The following MAZ variants were observed in gnomAD, a reference collection of about 807,000 sequenced individuals.
MAZ encodes myc-associated zinc finger protein.
MAZ carries 4 observed loss-of-function variants against 32.7 expected under a neutral mutation model. The ratio of observed to expected loss-of-function variants is 0.12; its 90% CI spans 0.06 to 0.28. The LOEUF is 0.28. MAZ is among the 10% of genes least tolerant of loss of function. The pLI is 1.00. For missense variants in MAZ, 763 were observed against 667.2 expected (o/e 1.14, Z -1.58); for synonymous variants, 510 against 297.6 (o/e 1.71, Z -7.35).
At chr16:29,809,844 C>T (rs550957792) in intron 4 of MAZ, 1 of 977,276 alleles carries the variant, frequency 1.0e-6, no homozygotes, top group African/African-American at 1.6e-5. Context: ...TAGGGGATCT[C>T]AGGAAGGCGA....
At chr16:29,809,295 G>A (rs1899764103) in intron 4 of MAZ, 3 of 555,612 alleles carry the variant, frequency 5.4e-6, no homozygotes, top group Non-Finnish European at 9.5e-6. Flanking sequence ...AGGTCTCCCG[G>A]CCATGGAGAA....
chr16:29,807,838 G>T lies in MAZ; in HGVS notation c.1043+10G>T, dbSNP rs562651160. 6.3e-7 allele frequency: 1 copy of T among 1,599,482 alleles called. No individual in the cohort carries two copies. Among genetic ancestry groups the T allele is most frequent in the East Asian group, 2.2e-5 (1 of 44,738 alleles). ...GCAAGAGCTTCTCCCGGTGTGCACG[G>T]GGCCTCGGCCGCCCGCTAGGCCGTG... is the stretch of plus-strand genomic sequence containing the variant. On this transcript the variant is annotated intron_variant, in intron 2 of 4. Coordinates refer to ENST00000322945, the MANE Select transcript of MAZ (RefSeq NM_002383.4).
intron 1 of MAZ, 26 bp downstream of exon 1, chr16:29,806,919 C>T (rs772133943): frequency 1.1e-5 from 14 of 1,248,474 alleles, no homozygotes; most frequent in Non-Finnish European, 1.4e-5. Flanking sequence ...CGCGGCGGCC[C>T]GGGCTGGGGG....
At position 29,806,610 on chromosome 16, in the gene MAZ, G is replaced by T; in HGVS notation, c.-92G>T. The T allele has an allele frequency of 3.1e-6, 3 of 965,548 alleles. No homozygotes were observed. Among genetic ancestry groups the T allele is most frequent in the South Asian group, 4.8e-5 (1 of 20,982 alleles). The allele number at this position is 965,548 out of a possible 1,614,324, so 59.8% of individuals were successfully genotyped here. The stretch of plus-strand genomic sequence containing the variant: ...CATGCGTTCGGCGCGGCCCAGCCCG[G>T]CCGGCCGGGGGCGGCGCCCCGAGCC... On this transcript the variant is annotated 5_prime_UTR_variant, in exon 1 of 5. Transcript: ENST00000322945.
rs763046016 is a variant in MAZ at position 29,807,841 on chromosome 16, C to T, written c.1043+13C>T. On this transcript the variant is annotated intron_variant, in intron 2 of 4. Coordinates refer to ENST00000322945, the MANE Select transcript of MAZ (RefSeq NM_002383.4). Reference sequence around the variant, plus strand: ...AGAGCTTCTCCCGGTGTGCACGGGGCCTCGGCCGCCCGCTAGGCCGTGGGG... The same window carrying T: ...AGAGCTTCTCCCGGTGTGCACGGGGTCTCGGCCGCCCGCTAGGCCGTGGGG... 5 of 1,597,914 alleles carry T rather than the reference C, an allele frequency of 3.1e-6. No individual in the cohort carries two copies. Among genetic ancestry groups the T allele is most frequent in the East Asian group, 2.2e-5 (1 of 44,728 alleles).
Position 29,807,256 on chromosome 16 carries a change from CGCG to C in MAZ, c.480_482del (p.Ala161del), listed in dbSNP as rs1374295293. The C allele has an allele frequency of 1.4e-6, 2 of 1,441,662 alleles. No homozygotes were observed. The highest frequency in any genetic ancestry group is 1.8e-6 in the Non-Finnish European group (2 of 1,093,752). 89.3% of individuals were successfully genotyped at this position (1,441,662 alleles called of 1,614,324 possible). On this transcript the variant is annotated inframe_deletion, in exon 2 of 5. Transcript: ENST00000322945. ...CCCCCGCCTCCGCCGCCACTATCGC[CGCG>C]GCGGCGGCCACCGCCGTCGTAGCCC...
In MAZ at chr16:29,810,372, C is replaced by G. The variant is rs764739057; in HGVS notation, c.*141C>G. ...GAAGGAAAGGAGGAAGAAATGTTTT[C>G]TTAGGGGAATTCGCTAGGTTTTAAC... On this transcript the variant is annotated 3_prime_UTR_variant, in exon 5 of 5. Coordinates refer to ENST00000322945, the MANE Select transcript of MAZ (RefSeq NM_002383.4). The G allele has an allele frequency of 2.2e-6, 2 of 912,978 alleles. No homozygotes were observed. The highest frequency in any genetic ancestry group is 2.0e-5 in the Admixed American group (1 of 50,218). 56.6% of individuals were successfully genotyped at this position (912,978 alleles called of 1,614,324 possible). A position where few individuals can be genotyped will look rare whatever the true frequency, so the allele number is the denominator to read the frequency against.
At position 29,806,632 on chromosome 16, in the gene MAZ, A is replaced by G. The variant is rs1899469642; in HGVS notation, c.-70A>G. On this transcript the variant is annotated 5_prime_UTR_variant, in exon 1 of 5. Coordinates refer to ENST00000322945, the MANE Select transcript of MAZ (RefSeq NM_002383.4). ...CCGGCCGGCCGGGGGCGGCGCCCCG[A>G]GCCCGGGCCCCGCGCGGCCCGCGCC... 2.1e-6 allele frequency: 2 copies of G among 959,330 alleles called. No individual in the cohort carries two copies. Among genetic ancestry groups the G allele is most frequent in the African/African-American group, 3.8e-5 (2 of 52,856 alleles). The allele number at this position is 959,330 out of a possible 1,614,324, so 59.4% of individuals were successfully genotyped here. A position where few individuals can be genotyped will look rare whatever the true frequency, so the allele number is the denominator to read the frequency against.
intron 3 of MAZ, 58 bp downstream of exon 3, chr16:29,808,351 G>A (rs1030243204): frequency 1.3e-6 from 2 of 1,514,062 alleles, no homozygotes; most frequent in African/African-American, 2.7e-5. Flanking sequence ...CATGGTAGCT[G>A]TCTGAGTCAG....
intron 4 of MAZ, 175 bp downstream of exon 4, chr16:29,808,916 G>A (rs1899730278): frequency 8.1e-6 from 5 of 619,708 alleles, no homozygotes; most frequent in Non-Finnish European, 1.4e-5. Context: ...TAGACTCTAA[G>A]AAGTCCTGGT....
chr16:29,807,332 AAGAC>A lies in MAZ; in HGVS notation c.549_552del (p.Thr184ArgfsTer41). On this transcript the variant is annotated frameshift_variant, in exon 2 of 5. Coordinates refer to ENST00000322945, the MANE Select transcript of MAZ (RefSeq NM_002383.4). LOFTEE classifies it high-confidence loss of function. Reference sequence around the variant, plus strand: ...CCCGGTCGCGTCTGCCTTGGAGAAGAAGACAAAGAGCAAGGGGCCCTACATCTGC... The same window carrying A: ...CCCGGTCGCGTCTGCCTTGGAGAAGAAAAGAGCAAGGGGCCCTACATCTGC... 1 of 1,610,450 alleles carries A rather than the reference AAGAC, an allele frequency of 6.2e-7. No individual in the cohort carries two copies. Among genetic ancestry groups the A allele is most frequent in the Non-Finnish European group, 8.5e-7 (1 of 1,178,972 alleles).
rs1899537884 is a variant in MAZ, at chr16:29,807,093, C to T, written c.308C>T (p.Ala103Val). Reference sequence around the variant, plus strand: ...TCCGCCGCGGCTGCTGCGGCCGCTGCCGCCGCTGCTGCCGCCGTCGCTGCC... The same window carrying T: ...TCCGCCGCGGCTGCTGCGGCCGCTGTCGCCGCTGCTGCCGCCGTCGCTGCC... ...QESAAAAAAA[A>V]AAAAAVAAAP... The change falls in exon 2 of 5, where the codon GCC becomes GTC. Residue 103 changes from alanine to valine, a missense_variant. Ala to Val is a moderately conservative substitution (Grantham distance 64). Transcript: ENST00000322945. 2 of 1,005,802 alleles carry T rather than the reference C, an allele frequency of 2.0e-6. No individual in the cohort carries two copies. Among genetic ancestry groups the T allele is most frequent in the Non-Finnish European group, 2.4e-6 (2 of 839,494 alleles). 62.3% of individuals were successfully genotyped at this position (1,005,802 alleles called of 1,614,324 possible). A position where few individuals can be genotyped will look rare whatever the true frequency, so the allele number is the denominator to read the frequency against.
In MAZ at chr16:29,811,033, C is replaced by T. The variant is rs1213068903; in HGVS notation, c.*802C>T. 2.2e-6 allele frequency: 1 copy of T among 454,912 alleles called. No homozygotes were observed. The highest frequency in any genetic ancestry group is 2.0e-5 in the African/African-American group (1 of 50,114). The allele number at this position is 454,912 out of a possible 1,614,324, so 28.2% of individuals were successfully genotyped here. A position where few individuals can be genotyped will look rare whatever the true frequency, so the allele number is the denominator to read the frequency against. ...CCAGCCCTGGTCTTGTCTTTTCATC[C>T]CTCTTCCCCACGACAGAAGAAGTTG... On this transcript the variant is annotated 3_prime_UTR_variant, in exon 5 of 5. Transcript: ENST00000322945.
Position 29,810,136 on chromosome 16 carries a change from G to T in MAZ, c.1339G>T (p.Ala447Ser). Residue 447 changes from alanine (A) to serine (S), a missense_variant, in exon 5 of 5, where the codon GCA becomes TCA. By Grantham distance (99) the Ala-to-Ser change is moderately conservative (BLOSUM62 1). Coordinates refer to ENST00000322945, the MANE Select transcript of MAZ (RefSeq NM_002383.4). ...AAAAAAAAAA[A>S]AVAAPPTAVG... Reference sequence around the variant, plus strand: ...GGCAGCGGCGGCAGCGGCAGCAGCGGCAGCAGTAGCAGCCCCTCCCACAGC... The same window carrying T: ...GGCAGCGGCGGCAGCGGCAGCAGCGTCAGCAGTAGCAGCCCCTCCCACAGC... 1 of 1,610,480 alleles carries T rather than the reference G, an allele frequency of 6.2e-7. No homozygotes were observed. The highest frequency in any genetic ancestry group is 8.5e-7 in the Non-Finnish European group (1 of 1,178,966).
chr16:29,808,296 A>G lies in MAZ; in HGVS notation c.1107+3A>G. 1.9e-6 allele frequency: 3 copies of G among 1,613,548 alleles called. No individual in the cohort carries two copies. Among genetic ancestry groups the G allele is most frequent in the Non-Finnish European group, 2.5e-6 (3 of 1,179,482 alleles). ...CAGAACGGCCCTTCAAATGTGAGGT[A>G]GGAAGCCCGCCTCCTCCTGTCTTGG... On this transcript the variant is annotated splice_donor_region_variant and intron_variant, in intron 3 of 4. Transcript: ENST00000322945.
chr16:29,806,907 G>T lies in MAZ; in HGVS notation c.192+14G>T. ...AGTCCATTCCAGGTGAGTAGGGCCGGCCGCGGCGGCCCGGGCTGGGGGGGG... is the reference window on the plus strand; with the variant it reads ...AGTCCATTCCAGGTGAGTAGGGCCGTCCGCGGCGGCCCGGGCTGGGGGGGG... On this transcript the variant is annotated intron_variant, in intron 1 of 4. Transcript: ENST00000322945. 7.7e-7 allele frequency: 1 copy of T among 1,296,532 alleles called. No individual in the cohort carries two copies. 80.3% of individuals were successfully genotyped at this position (1,296,532 alleles called of 1,614,324 possible).
chr16:29,807,772 T>C lies in MAZ; in HGVS notation c.987T>C (p.His329=), dbSNP rs750401275. ...GCATGAGCTACCACGTGCGCTCACA[T>C]GACGGCGCTGTGCACAAGCCCTACA... The part of the protein sequence containing the change: ...KDRMSYHVRS[H]DGAVHKPYNC... Residue 329 remains histidine, a synonymous_variant, in exon 2 of 5, where the codon CAT becomes CAC. Transcript: ENST00000322945. The C allele has an allele frequency of 9.9e-6, 16 of 1,612,260 alleles. No individual in the cohort carries two copies. Among genetic ancestry groups the C allele is most frequent in the Non-Finnish European group, 1.3e-5 (15 of 1,179,946 alleles).
chr16:29,807,308 C>T lies in MAZ; in HGVS notation c.523C>T (p.Pro175Ser), dbSNP rs1009949502. 18 of 1,587,632 alleles carry T rather than the reference C, an allele frequency of 1.1e-5. No homozygotes were observed. In the Admixed American group the frequency reaches 1.2e-4, roughly 11 times the overall value. Residue 175 changes from proline to serine, a missense_variant, in exon 2 of 5, where the codon CCG (proline) becomes TCG (serine). Transcript: ENST00000322945. ...VAPTSTVAVAPVASALEKKTK... is the reference protein window; with the variant it reads ...VAPTSTVAVASVASALEKKTK... ...CCCAACCTCGACGGTCGCCGTGGCC[C>T]CGGTCGCGTCTGCCTTGGAGAAGAA...
In MAZ at chr16:29,810,658, T is replaced by G; in HGVS notation, c.*427T>G. ...CCTCCCCGGGGAGTTGGTGCTTTCT[T>G]TTCCTTTTTTTTTTTTTTCCAGGGG... On this transcript the variant is annotated 3_prime_UTR_variant, in exon 5 of 5. Coordinates refer to ENST00000322945, the MANE Select transcript of MAZ (RefSeq NM_002383.4). The G allele has an allele frequency of 1.8e-6, 1 of 550,364 alleles. No individual in the cohort carries two copies. The highest frequency in any genetic ancestry group is 3.2e-6 in the Non-Finnish European group (1 of 307,848). 34.1% of individuals were successfully genotyped at this position (550,364 alleles called of 1,614,324 possible).
Sources: gnomAD v4.1 joint callset for allele counts on GRCh38, gnomAD v4.1.1 for gene constraint, MANE v1.5 for transcripts, NCBI Gene and HGNC (gene_info 2026-07-23, HGNC 2026-07-21) for gene names.